TMEM170B: variants seen among roughly 807,000 people sequenced by gnomAD.
TMEM170B encodes transmembrane protein 170B.
Under a neutral mutation model 13.0 loss-of-function variants are expected in TMEM170B, and 6 were observed. That is an observed-to-expected ratio of 0.46 (90% CI 0.25 to 0.91). The LOEUF is 0.91. TMEM170B is among the 40% of genes least tolerant of loss of function. The probability of loss-of-function intolerance (pLI) is 0.17; values close to 1 mark genes in which losing one functional copy is unlikely to be tolerated. For synonymous variants in TMEM170B, 61 were observed against 64.9 expected (o/e 0.94, Z 0.29); for missense variants, 138 against 165.2 (o/e 0.84, Z 0.90).
chr6:11,538,416 C>G, intron 1 of TMEM170B, 42 bp downstream of exon 1: 1 of 1,397,116 alleles, frequency 7.2e-7, no homozygotes, highest in South Asian at 1.3e-5. Flanking sequence ...TGCGGTCCGC[C>G]CCTCTCCTGT....
intron 1 of TMEM170B, among the ~76,000 whole-genome samples, chr6:11,558,494 A>G (rs1309572796): frequency 6.6e-6 from 1 of 152,202 alleles, no homozygotes; most frequent in Admixed American, 6.5e-5. Context: ...AAAAAATTCC[A>G]GTGCCCAAGC....
intron 1 of TMEM170B, among the ~76,000 whole-genome samples, chr6:11,539,167 G>C (rs527756250): frequency 6.6e-6 from 1 of 152,194 alleles, no homozygotes; most frequent in South Asian, 2.1e-4. Flanking sequence ...AGAAACTTCT[G>C]GTTTTGTTAT....
At chr6:11,571,821 T>G (rs1225679388) in intron 2 of TMEM170B, among the ~76,000 whole-genome samples, 1 of 152,162 alleles carries the variant, frequency 6.6e-6, no homozygotes, top group Non-Finnish European at 1.5e-5. Flanking sequence ...TATATATTTT[T>G]TAAAAACCCT....
At chr6:11,566,892 C>T (rs1352239506) in intron 2 of TMEM170B, among the ~76,000 whole-genome samples, 4 of 152,220 alleles carry the variant, frequency 2.6e-5, no homozygotes, top group African/African-American at 9.6e-5. Flanking sequence ...GTGGAATGCC[C>T]CCAAAGGTCA....
chr6:11,563,327 C>T (rs1456062167), intron 1 of TMEM170B, among the ~76,000 whole-genome samples: 1 of 152,132 alleles, frequency 6.6e-6, no homozygotes, highest in Non-Finnish European at 1.5e-5. Flanking sequence ...CAAGAAAAGG[C>T]ACTCACTGTT....
At chr6:11,570,728 T>A (rs1302212765) in intron 2 of TMEM170B, among the ~76,000 whole-genome samples, 1 of 152,136 alleles carries the variant, frequency 6.6e-6, no homozygotes, top group Non-Finnish European at 1.5e-5. Context: ...GAATAAAAGC[T>A]GTGCACAGCT....
Position 11,576,867 on chromosome 6 carries a change from G to A in TMEM170B, c.*1306G>A, listed in dbSNP as rs185657324. Reference sequence around the variant, plus strand: ...GTAGAAGAATCTGTGAGGGCATATAGCAAAAGTGGAAATGTCCTTTATATA... The same window carrying A: ...GTAGAAGAATCTGTGAGGGCATATAACAAAAGTGGAAATGTCCTTTATATA... On this transcript the variant is annotated 3_prime_UTR_variant, in exon 3 of 3. Coordinates refer to ENST00000379426, the MANE Select transcript of TMEM170B (RefSeq NM_001100829.3). 3 of 151,984 alleles carry A rather than the reference G, an allele frequency of 2.0e-5. No homozygotes were observed. Among genetic ancestry groups the A allele is most frequent in the African/African-American group, 7.3e-5 (3 of 41,334 alleles). The allele number at this position is 151,984 out of a possible 1,614,324, so 9.4% of individuals were successfully genotyped here. A position where few individuals can be genotyped will look rare whatever the true frequency, so the allele number is the denominator to read the frequency against.
At chr6:11,538,755 A>G (rs1046604634) in intron 1 of TMEM170B, among the ~76,000 whole-genome samples, 8 of 152,118 alleles carry the variant, frequency 5.3e-5, no homozygotes, top group African/African-American at 1.9e-4. Flanking sequence ...CTTGCTATTT[A>G]CATCTTTTTC....
At chr6:11,561,356 G>A (rs1041291167) in intron 1 of TMEM170B, among the ~76,000 whole-genome samples, 2 of 152,102 alleles carry the variant, frequency 1.3e-5, no homozygotes, top group Non-Finnish European at 2.9e-5. Context: ...TGAGCCTCTG[G>A]GTGTTCACTT....
intron 1 of TMEM170B, among the ~76,000 whole-genome samples, chr6:11,541,979 T>G (rs1282973128): frequency 6.6e-6 from 1 of 151,428 alleles, no homozygotes; most frequent in Non-Finnish European, 1.5e-5. Context: ...CAGAGATCAC[T>G]TATCACAGAT....
In TMEM170B at chr6:11,575,683, AAGG is replaced by A; in HGVS notation, c.*124_*126del. 4.1e-6 allele frequency: 5 copies of A among 1,231,492 alleles called. No homozygotes were observed. The highest frequency in any genetic ancestry group is 4.6e-6 in the Non-Finnish European group (4 of 868,940). 76.3% of individuals were successfully genotyped at this position (1,231,492 alleles called of 1,614,324 possible). ...ATGTGGACTGAGCAGGTCAAAGCAT[AAGG>A]AAGACCTTGAGCTGTGTGGAAGGAT... is the stretch of plus-strand genomic sequence containing the variant. On this transcript the variant is annotated 3_prime_UTR_variant, in exon 3 of 3. Coordinates refer to ENST00000379426, the MANE Select transcript of TMEM170B (RefSeq NM_001100829.3). This position sits in a 1 kb window ranked among gnomAD's most constrained non-coding sequence, Gnocchi z 4.1.
At chr6:11,551,336 G>A (rs745748641) in intron 1 of TMEM170B, among the ~76,000 whole-genome samples, 11 of 152,164 alleles carry the variant, frequency 7.2e-5, no homozygotes, top group African/African-American at 2.7e-4. Flanking sequence ...GTCATACACA[G>A]ACCAGCTCTG....
chr6:11,570,248 C>A (rs1185270477), intron 2 of TMEM170B, among the ~76,000 whole-genome samples: 1 of 152,058 alleles, frequency 6.6e-6, no homozygotes, highest in African/African-American at 2.4e-5. Context: ...AATTCCCAAA[C>A]TCCTGTTATG....
intron 1 of TMEM170B, among the ~76,000 whole-genome samples, chr6:11,548,073 T>C (rs1759463584): frequency 6.6e-6 from 1 of 152,090 alleles, no homozygotes; most frequent in Non-Finnish European, 1.5e-5. Context: ...AAGCCAAAAT[T>C]GAGAAATGGG....
intron 1 of TMEM170B, among the ~76,000 whole-genome samples, chr6:11,548,615 C>T (rs891506423): frequency 6.6e-6 from 1 of 152,302 alleles, no homozygotes; most frequent in South Asian, 2.1e-4. Context: ...TATAAAGAGA[C>T]ATGCACACGT....
chr6:11,541,103 A>G (rs1196632271), intron 1 of TMEM170B, among the ~76,000 whole-genome samples: 2 of 152,122 alleles, frequency 1.3e-5, no homozygotes, highest in African/African-American at 4.8e-5. Context: ...GATTTAGCAT[A>G]ATTCTCAAGG....
intron 1 of TMEM170B, among the ~76,000 whole-genome samples, chr6:11,560,830 G>A (rs2113774563): frequency 6.6e-6 from 1 of 152,158 alleles, no homozygotes; most frequent in Non-Finnish European, 1.5e-5. Flanking sequence ...TCTTTGACTT[G>A]TTTTTACTCA....
rs1759875112 is a variant in TMEM170B at position 11,576,413 on chromosome 6, A to G, written c.*852A>G. 1 of 152,194 alleles carries G rather than the reference A, an allele frequency of 6.6e-6. No homozygotes were observed. Among genetic ancestry groups the G allele is most frequent in the African/African-American group, 2.4e-5 (1 of 41,448 alleles). 9.4% of individuals were successfully genotyped at this position (152,194 alleles called of 1,614,324 possible). ...TTTGTAAGAAAAAAGTCTGAAATGC[A>G]TGTTGCATTCTTTGACCCTTCTAAA... On this transcript the variant is annotated 3_prime_UTR_variant, in exon 3 of 3. Transcript: ENST00000379426.
Position 11,538,283 on chromosome 6 carries a change from G to A in TMEM170B, c.6G>A (p.Lys2=). The change falls in exon 1 of 3, where the codon AAG becomes AAA. Residue 2 remains lysine (K), a synonymous_variant. Transcript: ENST00000379426. ...GCGGGCGCCCCTCGGGGAAGATGAA[G>A]GCGGAGGGGGGCGACCACTCCATGA... is the stretch of plus-strand genomic sequence containing the variant. M[K]AEGGDHSMIN... 11 of 1,406,670 alleles carry A rather than the reference G, an allele frequency of 7.8e-6. No homozygotes were observed. Among genetic ancestry groups the A allele is most frequent in the Non-Finnish European group, 1.0e-5 (11 of 1,079,906 alleles). 87.1% of individuals were successfully genotyped at this position (1,406,670 alleles called of 1,614,324 possible). A position where few individuals can be genotyped will look rare whatever the true frequency, so the allele number is the denominator to read the frequency against.
Sources: gnomAD v4.1 joint callset for allele counts (sites outside exome capture counted in the v4.1 genomes callset) on GRCh38, gnomAD v4.1.1 for gene constraint, Gnocchi (gnomAD v3.1) non-coding constraint, MANE v1.5 for transcripts, NCBI Gene and HGNC (gene_info 2026-07-23, HGNC 2026-07-21) for gene names.